AKR1C3: variants seen among roughly 807,000 people sequenced by gnomAD.
The protein encoded by AKR1C3 is aldo-keto reductase family 1 member C3, also known as 3-alpha hydroxysteroid dehydrogenase, type II.
A neutral mutation model predicts 43.6 loss-of-function variants in AKR1C3; 48 were observed. The observed-to-expected ratio is 1.10, with a 90% confidence interval of 0.87 to 1.40. The LOEUF is 1.40. Among genes scored for constraint, AKR1C3 ranks in the 40% most tolerant of loss-of-function variants. The pLI is 0.00. For missense variants in AKR1C3, 482 were observed against 391.2 expected, an observed-to-expected ratio of 1.23 and a Z score of -1.96; for synonymous variants, 162 against 139.6, an observed-to-expected ratio of 1.16 and a Z score of -1.13.
At chr10:5,086,838 C>G (rs1305925478) in intron 1 of AKR1C3, among the ~76,000 whole-genome samples, 2 of 152,148 alleles carry the variant, frequency 1.3e-5, no homozygotes, top group East Asian at 3.9e-4. Flanking sequence ...TAGTGGCCTT[C>G]TTTGTCTCTT....
At chr10:5,097,004 T>C (rs1231314799) in intron 2 of AKR1C3, among the ~76,000 whole-genome samples, 3 of 152,120 alleles carry the variant, frequency 2.0e-5, no homozygotes, top group Non-Finnish European at 4.4e-5. Flanking sequence ...TGTCCTAAAT[T>C]GTGTCCAGCA....
intron 6 of AKR1C3, 79 bp downstream of exon 6, chr10:5,102,289 T>TAGTTA (rs1839374110): frequency 6.4e-7 from 1 of 1,573,454 alleles, no homozygotes. Flanking sequence ...CAGTTTCCTG[T>TAGTTA]AGTTAAGTTT....
chr10:5,062,716 G>A (rs17395698), intron 1 of AKR1C3, among the ~76,000 whole-genome samples: 22,185 of 151,710 alleles, frequency 0.15, 1,831 homozygotes, highest in South Asian at 0.23. Flanking sequence ...TTTAAATGTC[G>A]AATTTCTTTA....
At chr10:5,059,434 G>A (rs1838332403) in intron 1 of AKR1C3, among the ~76,000 whole-genome samples, 1 of 152,156 alleles carries the variant, frequency 6.6e-6, no homozygotes, top group Non-Finnish European at 1.5e-5. Context: ...ACTCATGGCT[G>A]CAGGGTCAAC....
intron 1 of AKR1C3, among the ~76,000 whole-genome samples, chr10:5,084,609 T>G (rs1475509599): frequency 1.3e-5 from 2 of 152,166 alleles, no homozygotes; most frequent in African/African-American, 4.8e-5. Context: ...TCCAATTCTG[T>G]GAAGAAAGTA....
intron 1 of AKR1C3, among the ~76,000 whole-genome samples, chr10:5,049,363 T>C (rs1297919013): frequency 1.3e-5 from 2 of 152,196 alleles, no homozygotes; most frequent in Non-Finnish European, 2.9e-5. Flanking sequence ...TGTTCTGATA[T>C]GCGGCCTTGA....
intron 3 of AKR1C3, 93 bp from the exon 4 acceptor site, chr10:5,098,709 T>C: frequency 1.1e-6 from 1 of 940,210 alleles, no homozygotes; most frequent in South Asian, 1.4e-5. Flanking sequence ...ACCTGTCTCA[T>C]GGAGGATTAG....
chr10:5,079,530 GA>G (rs1554782149), intron 1 of AKR1C3, among the ~76,000 whole-genome samples: 1 of 144,272 alleles, frequency 6.9e-6, no homozygotes, highest in Non-Finnish European at 1.5e-5. Context: ...ATCAAGGAAA[GA>G]TTAACTCCCA....
chr10:5,098,907 G>A, intron 4 of AKR1C3, 28 bp downstream of exon 4: 1 of 1,553,322 alleles, frequency 6.4e-7, no homozygotes, highest in Non-Finnish European at 8.8e-7. Flanking sequence ...AGGACACAGA[G>A]AAGGATGACA....
chr10:5,100,867 C>G (rs1371919974), intron 5 of AKR1C3, among the ~76,000 whole-genome samples: 1 of 152,210 alleles, frequency 6.6e-6, no homozygotes. Context: ...TAACACTTTG[C>G]CACATTGCCA....
intron 1 of AKR1C3, among the ~76,000 whole-genome samples, chr10:5,057,510 C>T (rs534161248): frequency 2.0e-5 from 3 of 152,198 alleles, no homozygotes; most frequent in Admixed American, 6.5e-5. Flanking sequence ...AATTGACCCT[C>T]GAGTGATTTG....
chr10:5,062,976 AT>A (rs1415494247), intron 1 of AKR1C3, among the ~76,000 whole-genome samples: 1 of 152,180 alleles, frequency 6.6e-6, no homozygotes, highest in Non-Finnish European at 1.5e-5. Context: ...TCCCTGATTC[AT>A]TATTTTTTTC....
At chr10:5,051,134 T>G (rs1183371250) in intron 1 of AKR1C3, among the ~76,000 whole-genome samples, 2 of 152,232 alleles carry the variant, frequency 1.3e-5, no homozygotes, top group Admixed American at 6.5e-5. Context: ...TCACTCTTGT[T>G]GCCCAGGCTG....
At chr10:5,050,249 G>T (rs928309971) in intron 1 of AKR1C3, among the ~76,000 whole-genome samples, 2 of 152,112 alleles carry the variant, frequency 1.3e-5, no homozygotes, top group African/African-American at 2.4e-5. Flanking sequence ...CACTGTATTT[G>T]CCTCCAGAAA....
chr10:5,101,274 CAT>C (rs1172799379), intron 5 of AKR1C3, among the ~76,000 whole-genome samples: 6 of 152,290 alleles, frequency 3.9e-5, no homozygotes, highest in Non-Finnish European at 7.4e-5. Flanking sequence ...CAAATTTTCA[CAT>C]ATGATTGTGT....
intron 1 of AKR1C3, 95 bp from the exon 2 acceptor site, chr10:5,096,315 G>A (rs782440759): frequency 1.0e-5 from 15 of 1,449,386 alleles, no homozygotes; most frequent in Non-Finnish European, 1.4e-5. Context: ...ACAGACAGGA[G>A]GAAAAGCTGA....
chr10:5,069,422 T>C (rs1554781114), intron 1 of AKR1C3, among the ~76,000 whole-genome samples: 2 of 152,178 alleles, frequency 1.3e-5, no homozygotes, highest in African/African-American at 4.8e-5. Flanking sequence ...AAGCCTAAAA[T>C]CCAAAAAGTT....
intron 7 of AKR1C3, 66 bp from the exon 8 acceptor site, chr10:5,105,515 CTCTGCACCCTACTG>C (rs1554787014): frequency 9.4e-7 from 1 of 1,067,388 alleles, no homozygotes; most frequent in Non-Finnish European, 1.4e-6. Context: ...TAAGTATTGT[CTCTGCACCCTACTG>C]TCTAATATAC....
At chr10:5,049,484 A>T (rs1838107963) in intron 1 of AKR1C3, among the ~76,000 whole-genome samples, 1 of 152,246 alleles carries the variant, frequency 6.6e-6, no homozygotes, top group Non-Finnish European at 1.5e-5. Context: ...AGAGAAAAGA[A>T]AAAACGACTA....
Sources: allele counts gnomAD v4.1 joint callset (sites outside exome capture counted in the v4.1 genomes callset), GRCh38; gene constraint gnomAD v4.1.1; transcripts MANE v1.5; gene names NCBI Gene and HGNC (gene_info 2026-07-23, HGNC 2026-07-21).